CSTL1: variants seen among roughly 807,000 people sequenced by gnomAD.
CSTL1 encodes cystatin like 1, also known as cystatin-like 1.
CSTL1 carries 14 observed loss-of-function variants against 14.4 expected under a neutral mutation model. That is an observed-to-expected ratio of 0.97 (90% CI 0.64 to 1.52). The LOEUF (loss-of-function observed/expected upper bound fraction) is 1.52, where lower values mean the gene tolerates loss of function less well. CSTL1 is among the 40% of genes most tolerant of loss of function. The pLI, the probability that CSTL1 is intolerant of heterozygous loss-of-function variation, is 0.00. For missense variants in CSTL1, 170 were observed against 168.7 expected (o/e 1.01, Z -0.04); for synonymous variants, 72 against 67.5 (o/e 1.07, Z -0.33).
the CSTL1 span, among the ~76,000 whole-genome samples, chr20:23,454,017 C>T: frequency 6.6e-6 from 1 of 151,208 alleles, no homozygotes; most frequent in Non-Finnish European, 1.5e-5. Flanking sequence ...TACATGTATA[C>T]ATCCACATTC....
chr20:23,447,474 T>C (rs1986991753), downstream of CSTL1, among the ~76,000 whole-genome samples: 2 of 151,400 alleles, frequency 1.3e-5, no homozygotes, highest in Non-Finnish European at 3.0e-5. Flanking sequence ...TTTCTTTTTT[T>C]TTTTTTTTTG....
the CSTL1 span, chr20:23,452,010 C>T: frequency 1.1e-6 from 1 of 883,264 alleles, no homozygotes; most frequent in East Asian, 2.5e-5. Context: ...ACCCCACGTC[C>T]AAGGGCAAGG....
chr20:23,454,614 C>T, the CSTL1 span, among the ~76,000 whole-genome samples: 1 of 152,312 alleles, frequency 6.6e-6, no homozygotes, highest in Non-Finnish European at 1.5e-5. Context: ...GCTCTGTCTC[C>T]ACCTCCTGTC....
rs748865640 is a variant in CSTL1, at chr20:23,440,264, A to G, written c.-4A>G. On this transcript the variant is annotated 5_prime_UTR_variant, in exon 2 of 4. It removes the in-frame stop codon of an upstream open reading frame in the 5' UTR. Coordinates refer to ENST00000347397, the MANE Select transcript of CSTL1 (RefSeq NM_138283.1). ...TTGGGAAGAAAGTTTCTGAGGCTGT[A>G]GACATGGGGATCGGATGCTGGAGAA... 8.1e-6 allele frequency: 13 copies of G among 1,613,828 alleles called. No homozygotes were observed. Among genetic ancestry groups the G allele is most frequent in the Non-Finnish European group, 1.1e-5 (13 of 1,180,002 alleles).
At chr20:23,440,925 T>G (rs977570376) in intron 2 of CSTL1, 3 of 254,204 alleles carry the variant, frequency 1.2e-5, no homozygotes, top group Admixed American at 5.3e-5. Flanking sequence ...CCTGGCTAAA[T>G]TTTTTGTATT....
the CSTL1 span, chr20:23,451,689 T>C: frequency 1.6e-6 from 1 of 634,818 alleles, no homozygotes; most frequent in South Asian, 1.9e-5. Flanking sequence ...AAGGAGGTGT[T>C]ACCCATGCAT....
the CSTL1 span, chr20:23,450,424 C>T: frequency 2.4e-6 from 2 of 847,850 alleles, no homozygotes; most frequent in Middle Eastern, 2.4e-4. Flanking sequence ...TGTTGACAAA[C>T]ATTTATTGCC....
At chr20:23,455,678 A>G in the CSTL1 span, among the ~76,000 whole-genome samples, 2 of 152,212 alleles carry the variant, frequency 1.3e-5, no homozygotes, top group South Asian at 4.1e-4. Flanking sequence ...CAGTGCAAAC[A>G]TGCCTTGCCA....
chr20:23,451,736 C>G, the CSTL1 span: 1 of 1,017,020 alleles, frequency 9.8e-7, no homozygotes, highest in Non-Finnish European at 1.5e-6. Flanking sequence ...CCAATTAATT[C>G]TTCCCAACTC....
intron 2 of CSTL1, among the ~76,000 whole-genome samples, chr20:23,441,580 T>C (rs1301230138): frequency 6.6e-6 from 1 of 152,216 alleles, no homozygotes; most frequent in African/African-American, 2.4e-5. Flanking sequence ...TTCCCACATA[T>C]GGTAAATCAT....
the CSTL1 span, among the ~76,000 whole-genome samples, chr20:23,450,965 C>G: frequency 6.6e-6 from 1 of 151,130 alleles, no homozygotes; most frequent in Non-Finnish European, 1.5e-5. Flanking sequence ...TCTATTTATC[C>G]CTCCATTCAT....
At chr20:23,450,148 A>G in the CSTL1 span, among the ~76,000 whole-genome samples, 1 of 152,208 alleles carries the variant, frequency 6.6e-6, no homozygotes, top group East Asian at 1.9e-4. Flanking sequence ...AGTTGCTTTG[A>G]GCTTCTTCCC....
chr20:23,450,476 C>A, the CSTL1 span: 1 of 1,456,408 alleles, frequency 6.9e-7, no homozygotes, highest in Non-Finnish European at 9.5e-7. Flanking sequence ...CTCTCACATG[C>A]AGTGGCCGCA....
chr20:23,455,738 CG>C, the CSTL1 span, among the ~76,000 whole-genome samples: 1 of 152,210 alleles, frequency 6.6e-6, no homozygotes, highest in African/African-American at 2.4e-5. Flanking sequence ...CCAAAGAAGC[CG>C]GGCCAGGAGG....
downstream of CSTL1, among the ~76,000 whole-genome samples, chr20:23,445,432 C>T (rs1986947294): frequency 6.6e-6 from 1 of 151,912 alleles, no homozygotes; most frequent in East Asian, 1.9e-4. Flanking sequence ...TTTTAAAACA[C>T]TTTTTTTGTG....
intron 2 of CSTL1, among the ~76,000 whole-genome samples, chr20:23,442,641 C>A (rs961595358): frequency 6.6e-6 from 1 of 152,222 alleles, no homozygotes; most frequent in South Asian, 2.1e-4. Context: ...ATGGCCCCCA[C>A]ATGTTTGGGT....
intron 2 of CSTL1, among the ~76,000 whole-genome samples, chr20:23,442,043 C>A (rs1485318578): frequency 6.6e-6 from 1 of 152,232 alleles, no homozygotes; most frequent in Non-Finnish European, 1.5e-5. Flanking sequence ...CTTGGTTCTT[C>A]CACAATTGGT....
intron 2 of CSTL1, among the ~76,000 whole-genome samples, chr20:23,442,809 G>C (rs75953029): frequency 0.012 from 1,819 of 152,302 alleles, 39 homozygotes; most frequent in African/African-American, 0.041. Context: ...ACCAGTGACA[G>C]GGCAAGGCAA....
chr20:23,460,317 T>C, the CSTL1 span, among the ~76,000 whole-genome samples: 1 of 152,324 alleles, frequency 6.6e-6, no homozygotes, highest in Middle Eastern at 3.4e-3. Flanking sequence ...GTGGCTGTCC[T>C]GGCTGCCAGA....
Sources: allele counts gnomAD v4.1 joint callset (sites outside exome capture counted in the v4.1 genomes callset), GRCh38; gene constraint gnomAD v4.1.1; transcripts MANE v1.5; gene names NCBI Gene and HGNC (gene_info 2026-07-23, HGNC 2026-07-21).